RPTOR: variants seen among roughly 807,000 people sequenced by gnomAD.
RPTOR encodes regulatory-associated protein of mTOR.
A neutral mutation model predicts 169.9 loss-of-function variants in RPTOR; 21 were observed. The observed-to-expected ratio is 0.12, with a 90% CI of 0.09 to 0.18. The LOEUF is 0.18. Among genes scored for constraint, RPTOR ranks in the 10% least tolerant of loss-of-function variants. The probability of loss-of-function intolerance (pLI) is 1.00; values close to 1 mark genes in which losing one functional copy is unlikely to be tolerated. For synonymous variants in RPTOR, 732 were observed against 753.2 expected, an observed-to-expected ratio of 0.97 and a Z score of 0.46; for missense variants, 1,133 against 1,855.9, an observed-to-expected ratio of 0.61 and a Z score of 7.16.
chr17:80,603,531 C>T (rs553040985), intron 1 of RPTOR, among the ~76,000 whole-genome samples: 1 of 152,240 alleles, frequency 6.6e-6, no homozygotes, highest in Admixed American at 6.5e-5. Context: ...GGTGGAGTCC[C>T]CAAGACCACT....
At chr17:80,680,609 A>G (rs2143704634) in intron 3 of RPTOR, among the ~76,000 whole-genome samples, 1 of 152,298 alleles carries the variant, frequency 6.6e-6, no homozygotes, top group South Asian at 2.1e-4. Flanking sequence ...AGCCTGGGCA[A>G]CAGAGTGAGA....
chr17:80,889,860 T>C (rs2589130), intron 17 of RPTOR, among the ~76,000 whole-genome samples: 8,007 of 56,742 alleles, frequency 0.14, 2,163 homozygotes, highest in African/African-American at 0.42. Flanking sequence ...GGCCCCCGTA[T>C]GCAGCAGGAT....
At chr17:80,580,460 A>G (rs936641845) in intron 1 of RPTOR, among the ~76,000 whole-genome samples, 20 of 152,178 alleles carry the variant, frequency 1.3e-4, no homozygotes, top group Non-Finnish European at 2.1e-4. Context: ...TACCTTTGCA[A>G]TTAAGTAGAC....
At position 80,964,538 on chromosome 17, in the gene RPTOR, G is replaced by A. The variant is rs1048192216; in HGVS notation, c.*208G>A. The stretch of plus-strand genomic sequence containing the variant: ...GAATGTCAGGGAAGGGGAGGGCTCG[G>A]GTTGACGGTGGCTTCCCACTGAGCA... On this transcript the variant is annotated 3_prime_UTR_variant, in exon 34 of 34. Transcript: ENST00000306801. 2.0e-5 allele frequency: 12 copies of A among 597,436 alleles called. No homozygotes were observed. The highest frequency in any genetic ancestry group is 1.1e-4 in the Admixed American group (4 of 35,314). The allele number at this position is 597,436 out of a possible 1,614,324, so 37.0% of individuals were successfully genotyped here. A position where few individuals can be genotyped will look rare whatever the true frequency, so the allele number is the denominator to read the frequency against.
chr17:80,787,216 A>G lies in RPTOR; in HGVS notation c.831-4234A>G, dbSNP rs372085757. On this transcript the variant is annotated intron_variant, in intron 6 of 33. Coordinates refer to ENST00000306801, the MANE Select transcript of RPTOR (RefSeq NM_020761.3). ...AATTTATTAAAGGCTTTAGTGCTGA[A>G]TGTGATTTTGAGGACTCTTTTAAAA... Among the ~76,000 whole-genome samples the G allele has an allele frequency of 2.6e-5, 4 of 152,288 alleles. No individual in the cohort carries two copies. The East Asian group carries it at 5.8e-4, about 22-fold the overall frequency.
At chr17:80,547,099 A>G (rs1244482536) in intron 1 of RPTOR, among the ~76,000 whole-genome samples, 1 of 152,170 alleles carries the variant, frequency 6.6e-6, no homozygotes, top group Non-Finnish European at 1.5e-5. Context: ...AACTTCTGGT[A>G]ACTCTAGTCA....
chr17:80,929,019 T>TA (rs1160881963), intron 24 of RPTOR, among the ~76,000 whole-genome samples: 1 of 152,180 alleles, frequency 6.6e-6, no homozygotes, highest in Non-Finnish European at 1.5e-5. Flanking sequence ...CATATATTCT[T>TA]AAAAACCACT....
intron 13 of RPTOR, among the ~76,000 whole-genome samples, chr17:80,879,185 G>A (rs552726412): frequency 2.4e-4 from 36 of 152,186 alleles, no homozygotes; most frequent in Non-Finnish European, 3.7e-4. Context: ...CACCTCTTCA[G>A]TGGGCAGCCC....
intron 3 of RPTOR, among the ~76,000 whole-genome samples, chr17:80,700,649 A>ATGATGGTGGTGATGG (rs1335138188): frequency 8.1e-6 from 1 of 122,874 alleles, no homozygotes; most frequent in African/African-American, 3.2e-5. Flanking sequence ...GGTGGTGGTG[A>ATGATGGTGGTGATGG]TGGTAGAGAT....
chr17:80,750,076 T>C (rs1446423837), intron 5 of RPTOR, among the ~76,000 whole-genome samples: 1 of 152,042 alleles, frequency 6.6e-6, no homozygotes, highest in Non-Finnish European at 1.5e-5. Context: ...GATCTTGAAC[T>C]CCTGGGTTCA....
chr17:80,795,207 A>G (rs2067089380), intron 7 of RPTOR, among the ~76,000 whole-genome samples: 1 of 152,208 alleles, frequency 6.6e-6, no homozygotes. Context: ...TGGATTTGGG[A>G]AAGGAAGTGG....
intron 1 of RPTOR, among the ~76,000 whole-genome samples, chr17:80,622,956 C>CTGTT (rs2065365648): frequency 6.6e-6 from 1 of 152,090 alleles, no homozygotes; most frequent in South Asian, 2.1e-4. Flanking sequence ...ATTTTTTTAA[C>CTGTT]TGTTAAGAGA....
At chr17:80,783,255 C>G (rs144095453) in intron 6 of RPTOR, among the ~76,000 whole-genome samples, 204 of 152,328 alleles carry the variant, frequency 1.3e-3, no homozygotes, top group African/African-American at 4.7e-3. Flanking sequence ...TTGACACTCT[C>G]TTCCCCCTCT....
chr17:80,749,321 G>C (rs1598279254), intron 5 of RPTOR, among the ~76,000 whole-genome samples: 1 of 50,324 alleles, frequency 2.0e-5, no homozygotes, highest in Non-Finnish European at 4.5e-5. Flanking sequence ...TGGATGGAGG[G>C]GCTGCGGTGT....
chr17:80,631,759 A>C (rs1364458024), intron 2 of RPTOR, among the ~76,000 whole-genome samples: 1 of 152,204 alleles, frequency 6.6e-6, no homozygotes, highest in Non-Finnish European at 1.5e-5. Context: ...ATGTCTCTAC[A>C]ACAAATCAGA....
chr17:80,712,814 A>G (rs1053550750), intron 4 of RPTOR, among the ~76,000 whole-genome samples: 6 of 152,164 alleles, frequency 3.9e-5, no homozygotes, highest in Admixed American at 1.3e-4. Flanking sequence ...GTTGCTCCAC[A>G]TGCTCATCAG....
chr17:80,817,260 T>C (rs1184839506), intron 7 of RPTOR, among the ~76,000 whole-genome samples: 2 of 152,146 alleles, frequency 1.3e-5, no homozygotes, highest in Non-Finnish European at 2.9e-5. Flanking sequence ...AGCCCCCGTC[T>C]GTCTGGCTCC....
In RPTOR at chr17:80,855,556, C is replaced by T; in HGVS notation, c.1398+9C>T. 6.2e-7 allele frequency: 1 copy of T among 1,602,418 alleles called. No homozygotes were observed. Among genetic ancestry groups the T allele is most frequent in the Non-Finnish European group, 8.6e-7 (1 of 1,169,344 alleles). ...CCTGGGCAGTGAGCCTGGTGCGTGC[C>T]TTCCGCATTAACCTGGGGGCTGAGG... On this transcript the variant is annotated intron_variant, in intron 12 of 33. Coordinates refer to ENST00000306801, the MANE Select transcript of RPTOR (RefSeq NM_020761.3).
intron 6 of RPTOR, among the ~76,000 whole-genome samples, chr17:80,776,667 C>A (rs1246931373): frequency 6.6e-6 from 1 of 152,128 alleles, no homozygotes; most frequent in Non-Finnish European, 1.5e-5. Flanking sequence ...TTACACGGCC[C>A]CAAATCACAC....
Sources: gnomAD v4.1 joint callset for allele counts (sites outside exome capture counted in the v4.1 genomes callset) on GRCh38, gnomAD v4.1.1 for gene constraint, MANE v1.5 for transcripts, NCBI Gene and HGNC (gene_info 2026-07-23, HGNC 2026-07-21) for gene names.